The following CCDC30 variants were observed in gnomAD, a reference collection of about 807,000 sequenced individuals.
CCDC30 encodes coiled-coil domain-containing protein 30.
In CCDC30, 70 loss-of-function variants were observed where a neutral mutation model predicts 100.2. That is an observed-to-expected ratio of 0.70 (90% CI 0.58 to 0.85). The LOEUF (loss-of-function observed/expected upper bound fraction) is 0.85, where lower values mean the gene tolerates loss of function less well. CCDC30 is among the 40% of genes least tolerant of loss of function. The probability of loss-of-function intolerance (pLI) is 0.00; values close to 1 mark genes in which losing one functional copy is unlikely to be tolerated. For missense variants in CCDC30, 652 were observed against 771.2 expected, an observed-to-expected ratio of 0.85 and a Z score of 1.83; for synonymous variants, 233 against 269.5, an observed-to-expected ratio of 0.86 and a Z score of 1.33.
chr1:42,634,031 A>G (rs1244819761), intron 11 of CCDC30, among the ~76,000 whole-genome samples: 2 of 152,288 alleles, frequency 1.3e-5, no homozygotes, highest in South Asian at 2.1e-4. Flanking sequence ...ATAGAACAGT[A>G]TGGAGGCAAC....
chr1:42,472,889 G>A (rs1643816062), intron 1 of CCDC30, among the ~76,000 whole-genome samples: 1 of 152,024 alleles, frequency 6.6e-6, no homozygotes, highest in African/African-American at 2.4e-5. Context: ...CTTTGTATGT[G>A]TATTGCCAGC....
the CCDC30 span, chr1:42,457,596 G>T: frequency 4.2e-5 from 22 of 521,196 alleles, no homozygotes; most frequent in African/African-American, 2.3e-4. Flanking sequence ...CAGATCATGG[G>T]GCGAGTGAAT....
intron 1 of CCDC30, among the ~76,000 whole-genome samples, chr1:42,472,465 G>A (rs1310382542): frequency 6.6e-6 from 1 of 152,156 alleles, no homozygotes; most frequent in Non-Finnish European, 1.5e-5. Flanking sequence ...GACATATTCT[G>A]TGAGTAAAAT....
chr1:42,500,266 T>A, intron 6 of CCDC30: 1 of 1,610,732 alleles, frequency 6.2e-7, no homozygotes, highest in East Asian at 2.2e-5. Context: ...TGGATTTTTC[T>A]CTTGCGTCTC....
intron 12 of CCDC30, among the ~76,000 whole-genome samples, chr1:42,641,358 G>A (rs953118085): frequency 2.6e-5 from 4 of 151,808 alleles, no homozygotes; most frequent in African/African-American, 4.8e-5. Flanking sequence ...GATTACAGGT[G>A]TGAGCCATGG....
rs763966755 is a variant in CCDC30 at position 42,646,124 on chromosome 1, T to C, written c.1672-11T>C. 3.2e-6 allele frequency: 5 copies of C among 1,561,800 alleles called. No individual in the cohort carries two copies. The highest frequency in any genetic ancestry group is 1.2e-5 in the South Asian group (1 of 81,432). ...TGAAATAAATAACTCCAAAATTGTT[T>C]TTAAACTTAGAATCTTAAGGAGTTT... On this transcript the variant is annotated splice_polypyrimidine_tract_variant and intron_variant, in intron 14 of 16. Transcript: ENST00000668663.
intron 1 of CCDC30, 39 bp downstream of exon 1, chr1:42,463,937 A>G (rs945156481): frequency 6.6e-6 from 1 of 151,816 alleles, no homozygotes; most frequent in Non-Finnish European, 1.5e-5. Flanking sequence ...AACTTTTTCC[A>G]CTTCTCTCAT....
chr1:42,648,129 G>A (rs1189478147), intron 15 of CCDC30, among the ~76,000 whole-genome samples: 5 of 151,658 alleles, frequency 3.3e-5, no homozygotes, highest in Admixed American at 6.6e-5. Context: ...TAGTAGAGAC[G>A]GGGTTTCTCC....
At chr1:42,588,110 G>A (rs372258695) in intron 9 of CCDC30, among the ~76,000 whole-genome samples, 4 of 152,296 alleles carry the variant, frequency 2.6e-5, no homozygotes, top group East Asian at 3.9e-4. Flanking sequence ...TGTATGCTAC[G>A]ATCTGGTGAA....
intron 11 of CCDC30, among the ~76,000 whole-genome samples, chr1:42,627,322 C>T (rs751065023): frequency 2.0e-5 from 3 of 152,084 alleles, no homozygotes; most frequent in South Asian, 2.1e-4. Flanking sequence ...GCATTCAAAA[C>T]GTGACTTGGG....
chr1:42,556,389 A>G (rs763655264), intron 6 of CCDC30: 1 of 1,610,812 alleles, frequency 6.2e-7, no homozygotes, highest in Admixed American at 1.7e-5. Flanking sequence ...GATAGTTCAG[A>G]TGACAGTGGT....
At chr1:42,633,039 G>A (rs1218218557) in intron 11 of CCDC30, among the ~76,000 whole-genome samples, 2 of 151,932 alleles carry the variant, frequency 1.3e-5, no homozygotes, top group East Asian at 1.9e-4. Flanking sequence ...TGAACTCCTG[G>A]CCTCAAGTGA....
chr1:42,609,596 T>C (rs1646577095), intron 10 of CCDC30, among the ~76,000 whole-genome samples: 1 of 152,024 alleles, frequency 6.6e-6, no homozygotes, highest in Non-Finnish European at 1.5e-5. Flanking sequence ...TGCCATTCTT[T>C]CAATATGGCA....
chr1:42,590,726 ACT>A (rs983947233), intron 10 of CCDC30: 2 of 151,516 alleles, frequency 1.3e-5, no homozygotes, highest in East Asian at 1.9e-4. Context: ...ACACAGCGAG[ACT>A]CTGTCTCAAA....
At chr1:42,631,965 C>G (rs1225642089) in intron 11 of CCDC30, among the ~76,000 whole-genome samples, 2 of 152,162 alleles carry the variant, frequency 1.3e-5, no homozygotes, top group Non-Finnish European at 2.9e-5. Flanking sequence ...TCCTGGTGCT[C>G]TACCCTACTG....
At chr1:42,532,495 G>A (rs1012160373) in intron 6 of CCDC30, among the ~76,000 whole-genome samples, 1 of 152,144 alleles carries the variant, frequency 6.6e-6, no homozygotes, top group Non-Finnish European at 1.5e-5. Context: ...GCTTAAAATA[G>A]AAGAAATGCT....
At chr1:42,566,448 T>C in exon 7 of CCDC30, 2 of 1,613,738 alleles carry the variant, frequency 1.2e-6, no homozygotes, top group South Asian at 1.1e-5. Context: ...AGCAACATAA[T>C]AGCTTACTTC....
chr1:42,654,971 C>G (rs1412991641), downstream of CCDC30, among the ~76,000 whole-genome samples: 1 of 151,808 alleles, frequency 6.6e-6, no homozygotes, highest in African/African-American at 2.4e-5. Flanking sequence ...CCTCAGCCTC[C>G]CAAAGTGCTG....
chr1:42,495,674 A>T (rs1301908999), intron 4 of CCDC30, among the ~76,000 whole-genome samples: 1 of 152,040 alleles, frequency 6.6e-6, no homozygotes, highest in Non-Finnish European at 1.5e-5. Context: ...TAGGCAACAG[A>T]GCAAGATTCT....
Sources: gnomAD v4.1 joint callset for allele counts (sites outside exome capture counted in the v4.1 genomes callset) on GRCh38, gnomAD v4.1.1 for gene constraint, MANE v1.5 for transcripts, NCBI Gene and HGNC (gene_info 2026-07-23, HGNC 2026-07-21) for gene names.